The following KMT2C variants were observed in gnomAD, a reference collection of about 807,000 sequenced individuals.
The protein encoded by KMT2C is histone-lysine N-methyltransferase 2C.
A neutral mutation model predicts 507.9 loss-of-function variants in KMT2C; 88 were observed. The observed-to-expected ratio is 0.17, with a 90% confidence interval of 0.15 to 0.21. KMT2C has a LOEUF of 0.21. KMT2C is among the 10% of genes least tolerant of loss of function. The pLI, the probability that KMT2C is intolerant of heterozygous loss-of-function variation, is 1.00. For synonymous variants in KMT2C, 2,049 were observed against 2,080.8 expected (o/e 0.98, Z 0.42); for missense variants, 4,954 against 5,957.8 (o/e 0.83, Z 5.55).
At chr7:152,299,806 T>C (rs563366148) in intron 6 of KMT2C, among the ~76,000 whole-genome samples, 5 of 152,046 alleles carry the variant, frequency 3.3e-5, no homozygotes, top group Admixed American at 6.5e-5. Context: ...TGTCTTCTTA[T>C]ATGTTTTTAT....
chr7:152,258,302 T>A (rs2095696678), intron 9 of KMT2C, among the ~76,000 whole-genome samples: 1 of 152,160 alleles, frequency 6.6e-6, no homozygotes, highest in Non-Finnish European at 1.5e-5. Flanking sequence ...AATTAGGTAA[T>A]GAGTTGTAAA....
At chr7:152,244,447 C>A (rs938396211) in intron 14 of KMT2C, among the ~76,000 whole-genome samples, 18 of 152,032 alleles carry the variant, frequency 1.2e-4, no homozygotes, top group Admixed American at 5.2e-4. Context: ...CTGGGAGACC[C>A]GAGATGGAAG....
Position 152,176,502 on chromosome 7 carries a change from G to T in KMT2C, c.8951C>A (p.Ser2984Tyr). The change falls in exon 38 of 59, where the codon TCT becomes TAT. Residue 2984 changes from serine to tyrosine, a missense_variant. Physicochemically the swap from Ser to Tyr is moderately radical, Grantham distance 144. Transcript: ENST00000262189. ...CCCTGGGTTTACCTGCACACCCTGA[G>T]AAAAAACATGGTTTACCCTAGAGAC... ...TVVSRVNHVFSQGVQVNPGLI... is the reference protein window; with the variant it reads ...TVVSRVNHVFYQGVQVNPGLI... 1 of 1,614,054 alleles carries T rather than the reference G, an allele frequency of 6.2e-7. No homozygotes were observed. The highest frequency in any genetic ancestry group is 8.5e-7 in the Non-Finnish European group (1 of 1,180,012).
intron 2 of KMT2C, among the ~76,000 whole-genome samples, chr7:152,354,741 A>T (rs1246459069): frequency 6.6e-6 from 1 of 152,198 alleles, no homozygotes; most frequent in South Asian, 2.1e-4. Context: ...CTCCTGGAAA[A>T]GCCAGGAGGC....
chr7:152,326,075 G>A (rs2096826043), intron 3 of KMT2C, among the ~76,000 whole-genome samples: 1 of 152,022 alleles, frequency 6.6e-6, no homozygotes, highest in East Asian at 1.9e-4. Flanking sequence ...CTATTTGTCT[G>A]TTTCTGTGGT....
At chr7:152,187,911 C>A in intron 31 of KMT2C, 64 bp from the exon 32 acceptor site, 1 of 1,537,594 alleles carries the variant, frequency 6.5e-7, no homozygotes, top group Non-Finnish European at 9.0e-7. Context: ...TGAAGTAAAG[C>A]TGGCCCTTGA....
chr7:152,379,013 T>C (rs2097349949), intron 1 of KMT2C, among the ~76,000 whole-genome samples: 1 of 152,168 alleles, frequency 6.6e-6, no homozygotes, highest in African/African-American at 2.4e-5. Context: ...TCATTTCCTG[T>C]TAGCCCTCTC....
intron 51 of KMT2C, among the ~76,000 whole-genome samples, chr7:152,149,942 T>C (rs926428547): frequency 1.3e-5 from 2 of 152,252 alleles, no homozygotes; most frequent in Admixed American, 6.5e-5. Flanking sequence ...TTCTTGCATT[T>C]AGGCTGATGT....
chr7:152,415,935 G>A (rs2097730889), intron 1 of KMT2C, among the ~76,000 whole-genome samples: 1 of 152,140 alleles, frequency 6.6e-6, no homozygotes. Context: ...AATCAAGTAA[G>A]TAAAAGCTTA....
At chr7:152,340,622 TTGC>T (rs372131442) in intron 2 of KMT2C, among the ~76,000 whole-genome samples, 79 of 152,260 alleles carry the variant, frequency 5.2e-4, no homozygotes, top group East Asian at 2.1e-3. Flanking sequence ...ATGAATATAG[TTGC>T]TGCTTTCACA....
intron 1 of KMT2C, among the ~76,000 whole-genome samples, chr7:152,428,555 C>T (rs1452354822): frequency 6.7e-5 from 10 of 150,136 alleles, no homozygotes; most frequent in African/African-American, 2.5e-4. Context: ...CACTTGTACC[C>T]GGGAGGCAGA....
chr7:152,295,751 CTTT>C (rs1276114099), intron 6 of KMT2C, among the ~76,000 whole-genome samples: 1 of 152,136 alleles, frequency 6.6e-6, no homozygotes, highest in Non-Finnish European at 1.5e-5. Flanking sequence ...GTCTCAACTT[CTTT>C]ATCAGTTATT....
chr7:152,287,545 G>A (rs2096324132), intron 6 of KMT2C, among the ~76,000 whole-genome samples: 1 of 152,166 alleles, frequency 6.6e-6, no homozygotes, highest in South Asian at 2.1e-4. Flanking sequence ...TAAATAAAAT[G>A]CAGAGCTTCA....
At chr7:152,173,758 A>G (rs2093066751) in intron 39 of KMT2C, among the ~76,000 whole-genome samples, 1 of 152,168 alleles carries the variant, frequency 6.6e-6, no homozygotes, top group South Asian at 2.1e-4. Context: ...TGAATTTATA[A>G]TTGCTTTAAT....
chr7:152,251,797 C>A, intron 11 of KMT2C, 142 bp downstream of exon 11: 3 of 494,264 alleles, frequency 6.1e-6, no homozygotes, highest in East Asian at 3.2e-5. Flanking sequence ...ATAACAAATA[C>A]ATTTAAAGGT....
intron 31 of KMT2C, among the ~76,000 whole-genome samples, chr7:152,189,480 G>T (rs937503852): frequency 6.6e-6 from 1 of 151,746 alleles, no homozygotes; most frequent in Non-Finnish European, 1.5e-5. Context: ...CTGATCACTT[G>T]ATTTTTTTTT....
chr7:152,312,794 C>G (rs1196829604), intron 4 of KMT2C, among the ~76,000 whole-genome samples: 1 of 152,082 alleles, frequency 6.6e-6, no homozygotes, highest in African/African-American at 2.4e-5. Context: ...AATCAGATGA[C>G]TACCACTAAA....
chr7:152,292,536 T>C lies in KMT2C; in HGVS notation c.849+17430A>G, dbSNP rs145733369. Among the ~76,000 whole-genome samples, 380 of 152,366 alleles carry C rather than the reference T, an allele frequency of 2.5e-3. 11 individuals carry two copies. In the East Asian group the frequency reaches 0.066, roughly 27 times the overall value. On this transcript the variant is annotated intron_variant, in intron 6 of 58. Transcript: ENST00000262189. Reference sequence around the variant, plus strand: ...TTAAACACTCATACCTGAATGTCGTTATGATTTCCTGTGTCATAAAATATT... The same window carrying C: ...TTAAACACTCATACCTGAATGTCGTCATGATTTCCTGTGTCATAAAATATT...
At chr7:152,360,078 G>T (rs1306425184) in intron 1 of KMT2C, among the ~76,000 whole-genome samples, 2 of 71,008 alleles carry the variant, frequency 2.8e-5, no homozygotes, top group Non-Finnish European at 5.0e-5. Context: ...GGGGGTGGGG[G>T]GGGGGGGACA....
Sources: gnomAD v4.1 joint callset for allele counts (sites outside exome capture counted in the v4.1 genomes callset) on GRCh38, gnomAD v4.1.1 for gene constraint, MANE v1.5 for transcripts, NCBI Gene and HGNC (gene_info 2026-07-23, HGNC 2026-07-21) for gene names.